The following VPS4B variants were observed in gnomAD, a reference collection of about 807,000 sequenced individuals.
VPS4B encodes the protein vacuolar protein sorting-associated protein 4B.
VPS4B carries 23 observed loss-of-function variants against 56.1 expected under a neutral mutation model. The observed-to-expected ratio is 0.41, with a 90% CI of 0.30 to 0.58. The LOEUF (loss-of-function observed/expected upper bound fraction) is 0.58. VPS4B is among the 20% of genes least tolerant of loss of function. The pLI is 0.29. For synonymous variants in VPS4B, 177 were observed against 186.0 expected (o/e 0.95, Z 0.39); for missense variants, 372 against 531.9 (o/e 0.70, Z 2.96).
intron 1 of VPS4B, among the ~76,000 whole-genome samples, chr18:63,419,054 C>A (rs1180064080): frequency 1.2e-4 from 18 of 152,166 alleles, no homozygotes; most frequent in Non-Finnish European, 2.1e-4. Context: ...CCAATCCCTA[C>A]CTGAGTTGGG....
At chr18:63,411,644 T>A in intron 1 of VPS4B, 66 bp from the exon 2 acceptor site, 2 of 1,207,644 alleles carry the variant, frequency 1.7e-6, no homozygotes, top group South Asian at 2.1e-5. Flanking sequence ...AAGTAAATAA[T>A]CATACTGAAA....
At chr18:63,398,469 C>A (rs1291184887) in intron 8 of VPS4B, among the ~76,000 whole-genome samples, 1 of 151,768 alleles carries the variant, frequency 6.6e-6, no homozygotes, top group African/African-American at 2.4e-5. Flanking sequence ...ATCTGCCTAC[C>A]TTGGTTTCCC....
At chr18:63,399,102 G>C (rs1915752604) in intron 8 of VPS4B, 140 bp downstream of exon 8, 2 of 646,676 alleles carry the variant, frequency 3.1e-6, no homozygotes, top group Non-Finnish European at 2.6e-6. Context: ...TCCCACTCAA[G>C]GCAGGGGAGC....
At chr18:63,397,757 G>C (rs1478484498) in intron 8 of VPS4B, among the ~76,000 whole-genome samples, 4 of 152,074 alleles carry the variant, frequency 2.6e-5, no homozygotes, top group African/African-American at 9.7e-5. Flanking sequence ...CAATAATTTT[G>C]CTTGCTTTCT....
At chr18:63,398,466 T>C (rs532935182) in intron 8 of VPS4B, among the ~76,000 whole-genome samples, 5 of 151,816 alleles carry the variant, frequency 3.3e-5, no homozygotes, top group South Asian at 2.1e-4. Context: ...GCAATCTGCC[T>C]ACCTTGGTTT....
chr18:63,404,142 G>T (rs891222013), intron 4 of VPS4B, among the ~76,000 whole-genome samples: 3 of 152,084 alleles, frequency 2.0e-5, no homozygotes, highest in African/African-American at 7.2e-5. Context: ...ATGACATAAT[G>T]AATATTAGAG....
At chr18:63,421,076 AAC>A (rs950680363) in intron 1 of VPS4B, among the ~76,000 whole-genome samples, 2 of 152,166 alleles carry the variant, frequency 1.3e-5, no homozygotes, top group African/African-American at 4.8e-5. Flanking sequence ...AAAGGAAAAA[AAC>A]ACAGACAAAT....
In VPS4B at chr18:63,422,269, C is replaced by G. The variant is rs1916322614; in HGVS notation, c.-10G>C. 6.6e-7 allele frequency: 1 copy of G among 1,506,404 alleles called. No individual in the cohort carries two copies. Among genetic ancestry groups the G allele is most frequent in the South Asian group, 1.3e-5 (1 of 78,576 alleles). The allele number at this position is 1,506,404 out of a possible 1,614,324, so 93.3% of individuals were successfully genotyped here. Reference sequence around the variant, plus strand: ...GCGAAGTGGATGACATGGCGGAGTTCCCAGGCGGTTCCCAAGGGAACGAGG... The same window carrying G: ...GCGAAGTGGATGACATGGCGGAGTTGCCAGGCGGTTCCCAAGGGAACGAGG... On this transcript the variant is annotated 5_prime_UTR_variant, in exon 1 of 11. Coordinates refer to ENST00000238497, the MANE Select transcript of VPS4B (RefSeq NM_004869.4).
At position 63,410,399 on chromosome 18, in the gene VPS4B, T is replaced by C; in HGVS notation, c.187A>G (p.Thr63Ala). The C allele has an allele frequency of 6.2e-7, 1 of 1,613,888 alleles. No individual in the cohort carries two copies. The highest frequency in any genetic ancestry group is 1.1e-5 in the South Asian group (1 of 91,082). The change falls in exon 3 of 11, where the codon ACA becomes GCA. Residue 63 changes from threonine (T) to alanine (A), a missense_variant. Physicochemically the swap from Thr to Ala is moderately conservative, Grantham distance 58. Coordinates refer to ENST00000238497, the MANE Select transcript of VPS4B (RefSeq NM_004869.4). ...KAKQSIRAKCTEYLDRAEKLK... is the reference protein window; with the variant it reads ...KAKQSIRAKCAEYLDRAEKLK... ...TTTTCTGCTCTATCAAGATATTCTGTACACTTTGCCCTGATACTTTGCTTG... is the reference window on the plus strand; with the variant it reads ...TTTTCTGCTCTATCAAGATATTCTGCACACTTTGCCCTGATACTTTGCTTG...
chr18:63,407,678 T>A (rs1414957530), intron 3 of VPS4B, among the ~76,000 whole-genome samples, 179 bp from the exon 4 acceptor site: 2 of 152,160 alleles, frequency 1.3e-5, no homozygotes, highest in African/African-American at 4.8e-5. Context: ...CACGTTATCA[T>A]CAATAGAGAA....
At chr18:63,413,491 A>G (rs1415954536) in intron 1 of VPS4B, among the ~76,000 whole-genome samples, 3 of 150,846 alleles carry the variant, frequency 2.0e-5, no homozygotes, top group African/African-American at 7.3e-5. Flanking sequence ...GTGAGCCAAG[A>G]TCATGCCACT....
At chr18:63,391,722 A>C (rs1032320658) in intron 10 of VPS4B, among the ~76,000 whole-genome samples, 1 of 152,232 alleles carries the variant, frequency 6.6e-6, no homozygotes, top group Non-Finnish European at 1.5e-5. Context: ...TTCTTAAACG[A>C]GATCAATTTT....
chr18:63,420,490 T>C (rs1650741010), intron 1 of VPS4B, among the ~76,000 whole-genome samples: 2 of 151,990 alleles, frequency 1.3e-5, no homozygotes, highest in African/African-American at 2.4e-5. Context: ...GATTATGTTG[T>C]AGAGTATCGA....
At chr18:63,420,227 A>C (rs978572595) in intron 1 of VPS4B, among the ~76,000 whole-genome samples, 4 of 152,172 alleles carry the variant, frequency 2.6e-5, no homozygotes, top group African/African-American at 4.8e-5. Context: ...CGGGCGGATC[A>C]CTTGAGGTCA....
chr18:63,390,030 A>T lies in VPS4B; in HGVS notation c.*945T>A, dbSNP rs1374142497. On this transcript the variant is annotated 3_prime_UTR_variant, in exon 11 of 11. Transcript: ENST00000238497. ...AGTGAAAGGTATCAGTTAATTAAAT[A>T]TAAAAGCTTACCGTTTTTGTTTTTT... The T allele has an allele frequency of 1.3e-5, 2 of 152,648 alleles. No homozygotes were observed. The highest frequency in any genetic ancestry group is 4.8e-5 in the African/African-American group (2 of 41,470). The allele number at this position is 152,648 out of a possible 1,614,324, so 9.5% of individuals were successfully genotyped here. A position where few individuals can be genotyped will look rare whatever the true frequency, so the allele number is the denominator to read the frequency against.
intron 9 of VPS4B, 200 bp downstream of exon 9, chr18:63,396,834 C>CA: frequency 1.8e-6 from 1 of 543,828 alleles, no homozygotes; most frequent in South Asian, 2.2e-5. Flanking sequence ...ACTAAAAATA[C>CA]AAAAAATTAG....
chr18:63,394,465 A>G (rs1370496515), intron 9 of VPS4B, among the ~76,000 whole-genome samples: 1 of 150,832 alleles, frequency 6.6e-6, no homozygotes, highest in African/African-American at 2.4e-5. Flanking sequence ...ACTTGGAGGC[A>G]CTTCTTTTTT....
chr18:63,393,893 C>T (rs1915612733), intron 9 of VPS4B, among the ~76,000 whole-genome samples: 1 of 152,030 alleles, frequency 6.6e-6, no homozygotes, highest in South Asian at 2.1e-4. Flanking sequence ...TGTGCCACCA[C>T]ACCCAGCTAA....
intron 9 of VPS4B, among the ~76,000 whole-genome samples, 196 bp from the exon 10 acceptor site, chr18:63,393,745 G>GA (rs1218041247): frequency 6.7e-6 from 1 of 149,020 alleles, no homozygotes; most frequent in Non-Finnish European, 1.5e-5. Context: ...GTTGCTTTTA[G>GA]TTTTTTTTTT....
Sources: gnomAD v4.1 joint callset for allele counts (sites outside exome capture counted in the v4.1 genomes callset) on GRCh38, gnomAD v4.1.1 for gene constraint, MANE v1.5 for transcripts, NCBI Gene and HGNC (gene_info 2026-07-23, HGNC 2026-07-21) for gene names.